ATG10: variants seen among roughly 807,000 people sequenced by gnomAD.
ATG10 encodes the protein autophagy related 10, also known as ubiquitin-like-conjugating enzyme ATG10.
In ATG10, 30 loss-of-function variants were observed where a neutral mutation model predicts 32.1. That is an observed-to-expected ratio of 0.94 (90% CI 0.70 to 1.27). The LOEUF is 1.27. Ranked by LOEUF, ATG10 falls within the 50% of genes most tolerant of loss-of-function variation. ATG10 has a pLI of 0.00. For synonymous variants in ATG10, 87 were observed against 91.5 expected, an observed-to-expected ratio of 0.95 and a Z score of 0.28; for missense variants, 233 against 262.3, an observed-to-expected ratio of 0.89 and a Z score of 0.77.
intron 5 of ATG10, among the ~76,000 whole-genome samples, chr5:82,190,343 G>A (rs1272105786): frequency 6.6e-6 from 1 of 151,672 alleles, no homozygotes; most frequent in African/African-American, 2.4e-5. Flanking sequence ...TATCTATAAT[G>A]TATATTCATA....
intron 3 of ATG10, among the ~76,000 whole-genome samples, chr5:82,102,151 T>C (rs960630298): frequency 1.3e-5 from 2 of 152,222 alleles, no homozygotes; most frequent in African/African-American, 4.8e-5. Context: ...AGCTGTGACA[T>C]AGATACATTT....
intron 2 of ATG10, among the ~76,000 whole-genome samples, chr5:82,052,260 T>A (rs775067460): frequency 1.2e-4 from 19 of 152,180 alleles, no homozygotes; most frequent in Non-Finnish European, 1.9e-4. Context: ...ACAAAAGCCC[T>A]ATAATTATTT....
At chr5:82,095,404 A>T (rs1228896647) in intron 3 of ATG10, among the ~76,000 whole-genome samples, 4 of 152,164 alleles carry the variant, frequency 2.6e-5, no homozygotes, top group Non-Finnish European at 5.9e-5. Flanking sequence ...TAGGGTATTT[A>T]AAAAAATTGT....
chr5:82,144,210 C>G (rs139911961), intron 3 of ATG10, among the ~76,000 whole-genome samples: 315 of 151,936 alleles, frequency 2.1e-3, no homozygotes, highest in African/African-American at 7.0e-3. Context: ...TTTTTGTCCT[C>G]TCTACTTTTC....
intron 4 of ATG10, among the ~76,000 whole-genome samples, chr5:82,169,907 T>G (rs1346772895): frequency 6.6e-6 from 1 of 152,198 alleles, no homozygotes; most frequent in African/African-American, 2.4e-5. Flanking sequence ...GTTTGAAATA[T>G]TTTGGGGAAT....
intron 5 of ATG10, among the ~76,000 whole-genome samples, chr5:82,202,605 T>C (rs1005700313): frequency 1.1e-4 from 17 of 152,284 alleles, no homozygotes; most frequent in African/African-American, 4.1e-4. Context: ...TCCCACACTC[T>C]AGGGATCTCA....
intron 5 of ATG10, among the ~76,000 whole-genome samples, chr5:82,197,459 T>TCTACCTAC (rs10592620): frequency 1.4e-3 from 206 of 148,732 alleles, no homozygotes; most frequent in African/African-American, 3.0e-3. Context: ...TATCTGTCTA[T>TCTACCTAC]CTACCTACCT....
intron 5 of ATG10, among the ~76,000 whole-genome samples, chr5:82,200,965 A>G (rs1745049256): frequency 6.6e-6 from 1 of 151,328 alleles, no homozygotes; most frequent in African/African-American, 2.4e-5. Flanking sequence ...TCTCACTGCA[A>G]CCTCTGCTCC....
chr5:82,049,340 T>C (rs1233980484), intron 2 of ATG10, among the ~76,000 whole-genome samples: 1 of 138,708 alleles, frequency 7.2e-6, no homozygotes, highest in Admixed American at 8.4e-5. Flanking sequence ...TAGGTGGGAA[T>C]TGAACAATGA....
At chr5:82,188,900 T>C (rs749306340) in intron 5 of ATG10, among the ~76,000 whole-genome samples, 2 of 152,218 alleles carry the variant, frequency 1.3e-5, no homozygotes, top group Non-Finnish European at 2.9e-5. Flanking sequence ...TCCCTTCAAC[T>C]TCTCTTCTCA....
Position 82,140,086 on chromosome 5 carries a change from C to T in ATG10, c.217-24313C>T, listed in dbSNP as rs867444194. 6.1e-3 allele frequency among the ~76,000 whole-genome samples: 830 copies of T among 137,166 alleles called. 1 individual carries two copies. Among genetic ancestry groups the T allele is most frequent in the African/African-American group, 0.022 (784 of 35,078 alleles). The allele number at this position is 137,166 out of a possible 152,430, so 90.0% of individuals were successfully genotyped here. On this transcript the variant is annotated intron_variant, in intron 3 of 7. Coordinates refer to ENST00000282185, the MANE Select transcript of ATG10 (RefSeq NM_031482.5). ...GAGGTGGGAGGGTCAGCCCTCCACC[C>T]GGCCAGCCGCCCCGTCTGGGAGGTG... is the stretch of plus-strand genomic sequence containing the variant.
At chr5:82,070,462 A>G (rs1168868724) in intron 3 of ATG10, among the ~76,000 whole-genome samples, 1 of 152,150 alleles carries the variant, frequency 6.6e-6, no homozygotes, top group African/African-American at 2.4e-5. Flanking sequence ...TTAGATATGA[A>G]AAAGAAGGGG....
At chr5:82,005,774 G>A (rs958672275) in intron 2 of ATG10, among the ~76,000 whole-genome samples, 17 of 151,802 alleles carry the variant, frequency 1.1e-4, no homozygotes, top group Non-Finnish European at 5.9e-5. Flanking sequence ...TCTCACTTTT[G>A]TATAGCAGAA....
chr5:82,079,100 T>G (rs1029663440), intron 3 of ATG10, among the ~76,000 whole-genome samples: 6 of 152,366 alleles, frequency 3.9e-5, no homozygotes, highest in African/African-American at 1.4e-4. Flanking sequence ...TCTTGTAGTT[T>G]CATTCAGATT....
chr5:82,157,648 A>G (rs1767857545), intron 3 of ATG10, among the ~76,000 whole-genome samples: 1 of 152,210 alleles, frequency 6.6e-6, no homozygotes, highest in Non-Finnish European at 1.5e-5. Context: ...TTCTTGAGGA[A>G]TTGATTTTTC....
intron 2 of ATG10, among the ~76,000 whole-genome samples, chr5:82,017,323 T>C (rs1762316653): frequency 6.6e-6 from 1 of 152,152 alleles, no homozygotes; most frequent in Non-Finnish European, 1.5e-5. Context: ...GATGAGTCTT[T>C]AGGGTATACG....
intron 4 of ATG10, among the ~76,000 whole-genome samples, chr5:82,172,780 A>G (rs548588575): frequency 2.0e-5 from 3 of 152,310 alleles, no homozygotes; most frequent in African/African-American, 7.2e-5. Context: ...TTGGAATTTC[A>G]TTTAGATTTC....
intron 2 of ATG10, among the ~76,000 whole-genome samples, chr5:82,007,616 C>T (rs1762019915): frequency 6.6e-6 from 1 of 152,056 alleles, no homozygotes; most frequent in Non-Finnish European, 1.5e-5. Flanking sequence ...CCACAGTTGG[C>T]TAATTTTGTA....
At chr5:82,027,269 C>T (rs933724447) in intron 2 of ATG10, among the ~76,000 whole-genome samples, 15 of 151,802 alleles carry the variant, frequency 9.9e-5, no homozygotes, top group African/African-American at 3.6e-4. Context: ...CATGGTGGTG[C>T]ATGCCTGTAG....
Sources: gnomAD v4.1 joint callset for allele counts (sites outside exome capture counted in the v4.1 genomes callset) on GRCh38, gnomAD v4.1.1 for gene constraint, MANE v1.5 for transcripts, NCBI Gene and HGNC (gene_info 2026-07-23, HGNC 2026-07-21) for gene names.